The following CSMD3 variants were observed in gnomAD, a reference collection of about 807,000 sequenced individuals.
CSMD3 encodes the protein CUB and Sushi multiple domains 3.
Under a neutral mutation model 435.2 loss-of-function variants are expected in CSMD3, and 177 were observed. That is an observed-to-expected ratio of 0.41 (90% CI 0.36 to 0.46). The LOEUF is 0.46. CSMD3 is among the 20% of genes least tolerant of loss of function. The probability of loss-of-function intolerance (pLI) is 0.34; values close to 1 mark genes in which losing one functional copy is unlikely to be tolerated. For missense variants in CSMD3, 4,265 were observed against 4,504.6 expected (o/e 0.95, Z 1.52); for synonymous variants, 1,656 against 1,520.5 (o/e 1.09, Z -2.07).
chr8:113,324,772 T>G (rs2093972271), intron 1 of CSMD3, among the ~76,000 whole-genome samples: 1 of 152,068 alleles, frequency 6.6e-6, no homozygotes, highest in Non-Finnish European at 1.5e-5. Context: ...ACTGTTCCCC[T>G]GGAAAAGCCA....
chr8:112,410,636 A>ATGTATATATATG (rs1832294956), intron 32 of CSMD3, among the ~76,000 whole-genome samples: 4 of 99,962 alleles, frequency 4.0e-5, no homozygotes, highest in Non-Finnish European at 4.3e-5. Flanking sequence ...GTGTATATAT[A>ATGTATATATATG]TGTATATATA....
Position 112,237,261 on chromosome 8 carries a change from G to A in CSMD3, c.10556C>T (p.Thr3519Ile), listed in dbSNP as rs745384478. 1 of 1,613,468 alleles carries A rather than the reference G, an allele frequency of 6.2e-7. No individual in the cohort carries two copies. Among genetic ancestry groups the A allele is most frequent in the Non-Finnish European group, 8.5e-7 (1 of 1,179,530 alleles). Residue 3519 changes from threonine to isoleucine, a missense_variant, in exon 67 of 71, where the codon ACT becomes ATT. By Grantham distance (89) the Thr-to-Ile change is moderately conservative (BLOSUM62 -1). Around this residue, in one of 3 missense-constraint regions of CSMD3, gnomAD observed 3,255 missense variants for 3,380.2 expected, o/e 0.96. Transcript: ENST00000297405. ...GRKQPMTLTV[T>I]SFNASTGRVN... ...TCTCCCAGTGGAAGCATTGAAACTA[G>A]TAACTGTTAAGGTCATGGGTTGTTT... is the stretch of plus-strand genomic sequence containing the variant.
At chr8:113,126,911 A>G (rs891342279) in intron 4 of CSMD3, among the ~76,000 whole-genome samples, 1 of 151,586 alleles carries the variant, frequency 6.6e-6, no homozygotes, top group African/African-American at 2.4e-5. Flanking sequence ...CTCCTCCTAG[A>G]TAATTCCTTC....
intron 13 of CSMD3, among the ~76,000 whole-genome samples, chr8:112,754,801 C>T (rs1266265674): frequency 1.3e-5 from 2 of 152,172 alleles, no homozygotes; most frequent in East Asian, 1.9e-4. Context: ...ATAACAGCAC[C>T]TTCTGTTACC....
chr8:113,339,969 C>A (rs1299323711), intron 1 of CSMD3, among the ~76,000 whole-genome samples: 1 of 151,910 alleles, frequency 6.6e-6, no homozygotes, highest in East Asian at 1.9e-4. Flanking sequence ...TATTAAAATA[C>A]TATAATCAAG....
At chr8:112,866,446 C>A (rs1463644412) in intron 10 of CSMD3, among the ~76,000 whole-genome samples, 2 of 152,058 alleles carry the variant, frequency 1.3e-5, no homozygotes, top group African/African-American at 2.4e-5. Flanking sequence ...TATATTCTTG[C>A]CCATTGAGGC....
At chr8:112,891,175 G>T (rs777084837) in intron 10 of CSMD3, among the ~76,000 whole-genome samples, 32 of 151,458 alleles carry the variant, frequency 2.1e-4, no homozygotes, top group African/African-American at 7.0e-4. Flanking sequence ...CTCACTACTC[G>T]ATGTGTGATC....
At chr8:112,631,711 G>A (rs1048947259) in intron 22 of CSMD3, among the ~76,000 whole-genome samples, 1 of 151,800 alleles carries the variant, frequency 6.6e-6, no homozygotes, top group African/African-American at 2.4e-5. Context: ...GTTAAGCCAA[G>A]AAATCAATGC....
chr8:113,263,199 A>G (rs561539586), intron 3 of CSMD3, among the ~76,000 whole-genome samples: 1 of 152,076 alleles, frequency 6.6e-6, no homozygotes, highest in South Asian at 2.1e-4. Context: ...ACAGTGAAAG[A>G]ACCAAAAATA....
intron 45 of CSMD3, among the ~76,000 whole-genome samples, chr8:112,323,148 A>AAAACAAACAAACAAAC (rs60164058): frequency 1.3e-5 from 2 of 150,406 alleles, no homozygotes; most frequent in African/African-American, 4.9e-5. Flanking sequence ...GGAGTAATGA[A>AAAACAAACAAACAAAC]AAACAAACAA....
chr8:112,834,936 A>C (rs1261019645), intron 11 of CSMD3, among the ~76,000 whole-genome samples: 1 of 151,888 alleles, frequency 6.6e-6, no homozygotes, highest in Non-Finnish European at 1.5e-5. Flanking sequence ...CTGGAATAAT[A>C]AAATATACCC....
At chr8:113,024,476 G>A (rs993369403) in intron 5 of CSMD3, among the ~76,000 whole-genome samples, 36 of 152,254 alleles carry the variant, frequency 2.4e-4, no homozygotes, top group Non-Finnish European at 4.9e-4. Flanking sequence ...TTACCTGGTA[G>A]TAGTATTGCT....
chr8:112,771,739 C>T lies in CSMD3; in HGVS notation c.1972+28423G>A, dbSNP rs1484144292. On this transcript the variant is annotated intron_variant, in intron 13 of 70. Transcript: ENST00000297405. ...AGAAGGAAACAACAATGTGTCTTAT[C>T]CATACCAACACAATCTATAAAATAA... Among the ~76,000 whole-genome samples, 4 of 151,850 alleles carry T rather than the reference C, an allele frequency of 2.6e-5. 1 individual carries two copies. Among genetic ancestry groups the T allele is most frequent in the South Asian group, 4.2e-4 (2 of 4,812 alleles).
intron 1 of CSMD3, among the ~76,000 whole-genome samples, chr8:113,355,107 TTA>T (rs1269441135): frequency 1.3e-5 from 2 of 152,158 alleles, no homozygotes; most frequent in Non-Finnish European, 2.9e-5. Flanking sequence ...TCAAAACACT[TTA>T]AAATTAATTC....
At chr8:112,355,610 C>T (rs1472525086) in intron 38 of CSMD3, among the ~76,000 whole-genome samples, 2 of 151,986 alleles carry the variant, frequency 1.3e-5, no homozygotes, top group African/African-American at 2.4e-5. Flanking sequence ...GAGGCAGGTG[C>T]ATCACGAGGT....
chr8:113,290,471 A>G (rs2132526613), intron 2 of CSMD3, among the ~76,000 whole-genome samples: 1 of 151,858 alleles, frequency 6.6e-6, no homozygotes, highest in South Asian at 2.1e-4. Context: ...ACATATAGCC[A>G]TTAATTGTTT....
chr8:112,694,808 T>G (rs1263847054), intron 13 of CSMD3, among the ~76,000 whole-genome samples: 2 of 152,126 alleles, frequency 1.3e-5, no homozygotes, highest in Admixed American at 1.3e-4. Context: ...TTTACTTAGT[T>G]TCTAATATTT....
chr8:112,580,812 T>C (rs1830286482), intron 23 of CSMD3, among the ~76,000 whole-genome samples: 1 of 152,072 alleles, frequency 6.6e-6, no homozygotes, highest in Non-Finnish European at 1.5e-5. Flanking sequence ...GATAATGCCC[T>C]AGGACAAAAT....
intron 7 of CSMD3, among the ~76,000 whole-genome samples, chr8:112,960,650 T>A (rs1422525005): frequency 6.6e-6 from 1 of 151,642 alleles, no homozygotes; most frequent in Admixed American, 6.6e-5. Flanking sequence ...TGATGAGAAA[T>A]GTAGTAGTAC....
Sources: gnomAD v4.1 joint callset for allele counts (sites outside exome capture counted in the v4.1 genomes callset) on GRCh38, gnomAD v4.1.1 for gene constraint, gnomAD v4.1.1 regional missense constraint, MANE v1.5 for transcripts, NCBI Gene and HGNC (gene_info 2026-07-23, HGNC 2026-07-21) for gene names.